SEC24B: variants seen among roughly 807,000 people sequenced by gnomAD.
SEC24B encodes SEC24 homolog B, COPII component.
Under a neutral mutation model 142.8 loss-of-function variants are expected in SEC24B, and 45 were observed. That is an observed-to-expected ratio of 0.32 (90% CI 0.25 to 0.40). SEC24B has a LOEUF of 0.40. Among genes scored for constraint, SEC24B ranks in the 10% least tolerant of loss-of-function variants. The pLI is 1.00. For synonymous variants in SEC24B, 574 were observed against 568.2 expected, an observed-to-expected ratio of 1.01 and a Z score of -0.15; for missense variants, 1,409 against 1,526.8, an observed-to-expected ratio of 0.92 and a Z score of 1.29.
At chr4:109,436,420 A>G (rs1052282827) in intron 1 of SEC24B, among the ~76,000 whole-genome samples, 5 of 152,240 alleles carry the variant, frequency 3.3e-5, no homozygotes, top group African/African-American at 1.2e-4. Flanking sequence ...TGAAAAAGAA[A>G]TAGGTCAGAA....
At chr4:109,504,548 G>A (rs1335054483) in intron 6 of SEC24B, among the ~76,000 whole-genome samples, 6 of 151,946 alleles carry the variant, frequency 3.9e-5, no homozygotes, top group Non-Finnish European at 5.9e-5. Context: ...TGGATTGGGA[G>A]TTAGATCTAA....
At chr4:109,456,011 A>G (rs989359881) in intron 1 of SEC24B, among the ~76,000 whole-genome samples, 3 of 152,204 alleles carry the variant, frequency 2.0e-5, no homozygotes, top group African/African-American at 7.2e-5. Flanking sequence ...TAATCCATGA[A>G]CACAGTATGT....
At chr4:109,480,285 TAAAG>T (rs1733604315) in intron 3 of SEC24B, among the ~76,000 whole-genome samples, 1 of 152,010 alleles carries the variant, frequency 6.6e-6, no homozygotes, top group African/African-American at 2.4e-5. Flanking sequence ...GAAAAAAAAA[TAAAG>T]AGAGCATTAA....
intron 6 of SEC24B, among the ~76,000 whole-genome samples, chr4:109,501,419 AT>A (rs1199876613): frequency 2.0e-5 from 3 of 152,212 alleles, no homozygotes; most frequent in Non-Finnish European, 4.4e-5. Context: ...CAATTTGTGC[AT>A]TTGCCTTAAC....
chr4:109,455,648 A>G (rs1009214017), intron 1 of SEC24B, among the ~76,000 whole-genome samples: 1 of 151,978 alleles, frequency 6.6e-6, no homozygotes, highest in Non-Finnish European at 1.5e-5. Flanking sequence ...ATTTGTTGAA[A>G]GAACTATCTT....
Position 109,540,181 on chromosome 4 carries a change from T to A in SEC24B, c.*506T>A, listed in dbSNP as rs1726032993. The A allele has an allele frequency of 6.5e-6, 1 of 152,772 alleles. No homozygotes were observed. Among genetic ancestry groups the A allele is most frequent in the South Asian group, 2.1e-4 (1 of 4,842 alleles). 9.5% of individuals were successfully genotyped at this position (152,772 alleles called of 1,614,324 possible). A position where few individuals can be genotyped will look rare whatever the true frequency, so the allele number is the denominator to read the frequency against. Reference sequence around the variant, plus strand: ...TTTTCTCTGTAAAAACAATAGAGTTTCAGTACATGAACTATAGAAAAAAAT... The same window carrying A: ...TTTTCTCTGTAAAAACAATAGAGTTACAGTACATGAACTATAGAAAAAAAT... On this transcript the variant is annotated 3_prime_UTR_variant, in exon 24 of 24. Coordinates refer to ENST00000265175, the MANE Select transcript of SEC24B (RefSeq NM_006323.5).
chr4:109,538,422 T>A, intron 22 of SEC24B, 71 bp from the exon 23 acceptor site: 1 of 982,874 alleles, frequency 1.0e-6, no homozygotes, highest in Non-Finnish European at 1.6e-6. Context: ...ATGGTAGGAA[T>A]CATGATTTTG....
intron 1 of SEC24B, among the ~76,000 whole-genome samples, chr4:109,443,531 C>T (rs1729127392): frequency 6.6e-6 from 1 of 152,152 alleles, no homozygotes; most frequent in African/African-American, 2.4e-5. Flanking sequence ...CATGAACCAC[C>T]ATGCCTGGCC....
chr4:109,455,626 T>C (rs1730589307), intron 1 of SEC24B, among the ~76,000 whole-genome samples: 1 of 152,246 alleles, frequency 6.6e-6, no homozygotes, highest in Admixed American at 6.5e-5. Context: ...GATATCTAGT[T>C]ATTCCAGCAC....
At chr4:109,461,746 C>T (rs2125929661) in intron 1 of SEC24B, among the ~76,000 whole-genome samples, 1 of 152,216 alleles carries the variant, frequency 6.6e-6, no homozygotes, top group African/African-American at 2.4e-5. Flanking sequence ...AATTCATACT[C>T]TTTATTGTTT....
At chr4:109,482,956 A>G (rs1488376659) in intron 4 of SEC24B, among the ~76,000 whole-genome samples, 18 of 60,828 alleles carry the variant, frequency 3.0e-4, no homozygotes, top group African/African-American at 2.1e-3. Context: ...ATATATATAT[A>G]TATATATATA....
intron 11 of SEC24B, among the ~76,000 whole-genome samples, chr4:109,517,995 T>G (rs938294019): frequency 6.6e-6 from 1 of 151,770 alleles, no homozygotes; most frequent in Non-Finnish European, 1.5e-5. Context: ...TGAGACAGAG[T>G]CTCGCTCTGT....
At chr4:109,457,660 G>T (rs955661236) in intron 1 of SEC24B, among the ~76,000 whole-genome samples, 1 of 152,012 alleles carries the variant, frequency 6.6e-6, no homozygotes, top group South Asian at 2.1e-4. Flanking sequence ...TAGCAGTCAT[G>T]CTCCTTCTGT....
chr4:109,510,135 T>G (rs767330087), intron 8 of SEC24B, 24 bp downstream of exon 8: 7 of 1,353,416 alleles, frequency 5.2e-6, no homozygotes, highest in Non-Finnish European at 7.3e-6. Context: ...TTATAATATT[T>G]ATGGGTACTG....
intron 1 of SEC24B, chr4:109,451,113 TA>T (rs1277477458): frequency 6.6e-6 from 1 of 152,202 alleles, no homozygotes; most frequent in Admixed American, 6.5e-5. Flanking sequence ...CTGTTTCTTA[TA>T]AGGGAGATTT....
chr4:109,469,173 G>A lies in SEC24B; in HGVS notation c.878-3831G>A, dbSNP rs114781955. ...CTTGAATCATGATTTCCTTCTCTTA[G>A]AAATCACACCTCAGAAACTAAACAG... On this transcript the variant is annotated intron_variant, in intron 2 of 23. Coordinates refer to ENST00000265175, the MANE Select transcript of SEC24B (RefSeq NM_006323.5). Among the ~76,000 whole-genome samples, 1,320 of 152,270 alleles carry A rather than the reference G, an allele frequency of 8.7e-3. 24 individuals are homozygous for A. The highest frequency in any genetic ancestry group is 0.03 in the African/African-American group (1,260 of 41,552).
chr4:109,444,686 G>C (rs1729274134), intron 1 of SEC24B, among the ~76,000 whole-genome samples: 1 of 152,106 alleles, frequency 6.6e-6, no homozygotes, highest in Non-Finnish European at 1.5e-5. Flanking sequence ...GGGCATACAT[G>C]CTTATAGAAA....
intron 1 of SEC24B, 125 bp from the exon 2 acceptor site, chr4:109,462,776 T>G: frequency 1.3e-6 from 1 of 765,296 alleles, no homozygotes; most frequent in Non-Finnish European, 2.1e-6. Flanking sequence ...TCTATAACAG[T>G]GTATACCTTT....
At chr4:109,474,500 C>A (rs1451977980) in intron 3 of SEC24B, among the ~76,000 whole-genome samples, 1 of 151,204 alleles carries the variant, frequency 6.6e-6, no homozygotes, top group Non-Finnish European at 1.5e-5. Flanking sequence ...TCTTGGCTCA[C>A]TGCAGCCTCT....
Sources: allele counts gnomAD v4.1 joint callset (sites outside exome capture counted in the v4.1 genomes callset), GRCh38; gene constraint gnomAD v4.1.1; transcripts MANE v1.5; gene names NCBI Gene and HGNC (gene_info 2026-07-23, HGNC 2026-07-21).